ZNF644: variants seen among roughly 807,000 people sequenced by gnomAD.
The protein encoded by ZNF644 is zinc finger motif enhancer binding protein 2.
In ZNF644, 20 loss-of-function variants were observed where a neutral mutation model predicts 108.0. That is an observed-to-expected ratio of 0.19 (90% CI 0.13 to 0.27). The LOEUF (loss-of-function observed/expected upper bound fraction) is 0.27, where lower values mean the gene tolerates loss of function less well. Ranked by LOEUF, ZNF644 falls within the 10% of genes least tolerant of loss-of-function variation. The pLI, the probability that ZNF644 is intolerant of heterozygous loss-of-function variation, is 1.00. For synonymous variants in ZNF644, 542 were observed against 539.1 expected (o/e 1.01, Z -0.08); for missense variants, 1,338 against 1,548.9 (o/e 0.86, Z 2.29).
At chr1:91,004,182 A>G (rs1382087371) in intron 1 of ZNF644, among the ~76,000 whole-genome samples, 2 of 152,098 alleles carry the variant, frequency 1.3e-5, no homozygotes, top group African/African-American at 4.8e-5. Context: ...CCCCAGTTTG[A>G]TGAAAAGCAT....
intron 1 of ZNF644, among the ~76,000 whole-genome samples, chr1:91,011,642 C>CA (rs1659968440): frequency 1.3e-5 from 2 of 152,040 alleles, no homozygotes; most frequent in South Asian, 4.1e-4. Context: ...TTCAGTTTTC[C>CA]ATTTATAAAG....
At chr1:90,971,708 C>A (rs916426540) in intron 2 of ZNF644, among the ~76,000 whole-genome samples, 4 of 152,060 alleles carry the variant, frequency 2.6e-5, no homozygotes, top group Non-Finnish European at 5.9e-5. Context: ...TGAGCCACCA[C>A]GCCAGGGCAA....
chr1:90,923,578 A>C (rs1240822471), intron 4 of ZNF644, among the ~76,000 whole-genome samples: 1 of 152,184 alleles, frequency 6.6e-6, no homozygotes, highest in Non-Finnish European at 1.5e-5. Context: ...ATTTTCATCA[A>C]CATTTTCCCT....
chr1:90,964,694 G>C (rs1342178018), intron 2 of ZNF644, among the ~76,000 whole-genome samples: 1 of 152,136 alleles, frequency 6.6e-6, no homozygotes, highest in Non-Finnish European at 1.5e-5. Context: ...AACAGAAAAA[G>C]CTATACTGGA....
chr1:90,935,510 T>C (rs745792350), intron 4 of ZNF644: 3 of 985,880 alleles, frequency 3.0e-6, no homozygotes, highest in Non-Finnish European at 3.6e-6. Flanking sequence ...TGCACACATG[T>C]TCTAAGCTTC....
intron 4 of ZNF644, among the ~76,000 whole-genome samples, chr1:90,918,551 A>G (rs1649064824): frequency 1.3e-5 from 2 of 152,214 alleles, no homozygotes; most frequent in South Asian, 4.1e-4. Context: ...TTTCCAGAAA[A>G]GTAGAACCTT....
chr1:90,921,679 A>G (rs17131237), intron 4 of ZNF644, among the ~76,000 whole-genome samples: 1,623 of 152,112 alleles, frequency 0.011, 29 homozygotes, highest in African/African-American at 0.037. Flanking sequence ...TAAAAGATCT[A>G]AATTGCTACT....
intron 2 of ZNF644, among the ~76,000 whole-genome samples, chr1:90,963,308 A>G (rs978846196): frequency 2.6e-5 from 4 of 152,148 alleles, no homozygotes; most frequent in Non-Finnish European, 4.4e-5. Context: ...CATCTTTCAG[A>G]AGACTAAAAT....
chr1:91,005,558 G>A (rs1659332706), intron 1 of ZNF644, among the ~76,000 whole-genome samples: 1 of 151,798 alleles, frequency 6.6e-6, no homozygotes, highest in Non-Finnish European at 1.5e-5. Context: ...AAATTTTAAA[G>A]GAATAAAAAT....
chr1:91,014,619 T>TA (rs1255843095), intron 1 of ZNF644, among the ~76,000 whole-genome samples: 3 of 152,150 alleles, frequency 2.0e-5, no homozygotes, highest in African/African-American at 7.2e-5. Context: ...TTTTTCATCT[T>TA]AGTCACTCAG....
chr1:90,995,778 A>G (rs1658091729), intron 1 of ZNF644, among the ~76,000 whole-genome samples: 1 of 152,224 alleles, frequency 6.6e-6, no homozygotes, highest in Admixed American at 6.5e-5. Context: ...TTATTTTCAG[A>G]AAACAAAAAT....
At chr1:90,983,701 C>T (rs1395822149) in intron 1 of ZNF644, among the ~76,000 whole-genome samples, 3 of 151,960 alleles carry the variant, frequency 2.0e-5, no homozygotes, top group Non-Finnish European at 2.9e-5. Context: ...CCAAGGTGGG[C>T]AGATCACCTG....
At chr1:90,970,211 T>C (rs1367423614) in intron 2 of ZNF644, among the ~76,000 whole-genome samples, 23 of 152,214 alleles carry the variant, frequency 1.5e-4, no homozygotes, top group Admixed American at 1.5e-3. Flanking sequence ...TTAGCTCCTG[T>C]ATAATTGACA....
At chr1:90,929,479 T>A (rs1005587661) in intron 4 of ZNF644, among the ~76,000 whole-genome samples, 17 of 152,140 alleles carry the variant, frequency 1.1e-4, no homozygotes, top group Admixed American at 5.2e-4. Flanking sequence ...AATAAGAAGA[T>A]CAAAATTTTC....
chr1:90,958,265 T>G (rs984922921), intron 2 of ZNF644, among the ~76,000 whole-genome samples: 3 of 121,032 alleles, frequency 2.5e-5, no homozygotes, highest in Non-Finnish European at 3.6e-5. Flanking sequence ...AAAGAATAAA[T>G]GTAACCAAGA....
intron 1 of ZNF644, among the ~76,000 whole-genome samples, chr1:90,995,788 T>C (rs949806113): frequency 6.6e-6 from 1 of 152,166 alleles, no homozygotes. Context: ...AAAACAAAAA[T>C]TGGGTTTGTG....
At chr1:90,924,644 C>T (rs1649810745) in intron 4 of ZNF644, among the ~76,000 whole-genome samples, 1 of 152,022 alleles carries the variant, frequency 6.6e-6, no homozygotes, top group South Asian at 2.1e-4. Flanking sequence ...GGCACAAATC[C>T]ATGGTCGCAA....
intron 1 of ZNF644, among the ~76,000 whole-genome samples, chr1:90,984,794 A>G (rs1656929130): frequency 6.6e-6 from 1 of 152,124 alleles, no homozygotes; most frequent in African/African-American, 2.4e-5. Context: ...CCAACACCCT[A>G]ATCTTGAATT....
intron 2 of ZNF644, among the ~76,000 whole-genome samples, chr1:90,967,384 C>T (rs1045492918): frequency 3.3e-5 from 5 of 152,186 alleles, no homozygotes; most frequent in Non-Finnish European, 7.3e-5. Context: ...TCTTACAGAA[C>T]GGTTCCTTTC....
Sources: gnomAD v4.1 joint callset for allele counts (sites outside exome capture counted in the v4.1 genomes callset) on GRCh38, gnomAD v4.1.1 for gene constraint, MANE v1.5 for transcripts, NCBI Gene and HGNC (gene_info 2026-07-23, HGNC 2026-07-21) for gene names.